The following SYDE2 variants were observed in gnomAD, a reference collection of about 807,000 sequenced individuals.
The protein encoded by SYDE2 is synapse defective Rho GTPase homolog 2, also known as rho GTPase-activating protein SYDE2.
A neutral mutation model predicts 91.5 loss-of-function variants in SYDE2; 76 were observed. The ratio of observed to expected loss-of-function variants is 0.83; its 90% CI spans 0.69 to 1.01. SYDE2 has a LOEUF of 1.01. Ranked by LOEUF, SYDE2 falls within the 50% of genes least tolerant of loss-of-function variation. The pLI, the probability that SYDE2 is intolerant of heterozygous loss-of-function variation, is 0.00. For missense variants in SYDE2, 1,364 were observed against 1,367.7 expected, an observed-to-expected ratio of 1.00 and a Z score of 0.04; for synonymous variants, 513 against 506.4, an observed-to-expected ratio of 1.01 and a Z score of -0.18.
rs939840776 is a variant in SYDE2, at chr1:85,156,903, G to A, written c.*1847C>T. On this transcript the variant is annotated 3_prime_UTR_variant, in exon 7 of 7. Transcript: ENST00000341460. ...TTTTAATAAAATTTTTACATTTCTAGAGCAATTTATTCAATTCATACATGA... is the reference window on the plus strand; with the variant it reads ...TTTTAATAAAATTTTTACATTTCTAAAGCAATTTATTCAATTCATACATGA... 1.3e-5 allele frequency: 2 copies of A among 151,890 alleles called. No homozygotes were observed. The highest frequency in any genetic ancestry group is 2.9e-5 in the Non-Finnish European group (2 of 67,946). 9.4% of individuals were successfully genotyped at this position (151,890 alleles called of 1,614,324 possible).
At chr1:85,154,651 T>C (rs191973270), downstream of SYDE2, among the ~76,000 whole-genome samples, 34 of 151,700 alleles carry the variant, frequency 2.2e-4, no homozygotes, top group East Asian at 6.8e-3. Flanking sequence ...GCTCAGGCCC[T>C]ACTCCTTTCA....
chr1:85,189,279 GACTT>G (rs1557755870), intron 2 of SYDE2, among the ~76,000 whole-genome samples: 1 of 152,036 alleles, frequency 6.6e-6, no homozygotes, highest in Non-Finnish European at 1.5e-5. Context: ...ATTTGCAAGG[GACTT>G]ACTTCTACTT....
intron 1 of SYDE2, among the ~76,000 whole-genome samples, chr1:85,193,522 T>C (rs917489154): frequency 6.6e-6 from 1 of 152,206 alleles, no homozygotes; most frequent in East Asian, 1.9e-4. Context: ...TTCTACTACA[T>C]TGCAAGGAAC....
intron 3 of SYDE2, among the ~76,000 whole-genome samples, chr1:85,180,859 AGTTT>A (rs1345883611): frequency 1.1e-4 from 16 of 152,188 alleles, no homozygotes; most frequent in Admixed American, 5.2e-4. Flanking sequence ...CAACTATAAA[AGTTT>A]GTTTAATAAT....
intron 1 of SYDE2, among the ~76,000 whole-genome samples, chr1:85,192,969 A>G (rs1281898828): frequency 1.3e-5 from 2 of 152,228 alleles, no homozygotes; most frequent in East Asian, 3.8e-4. Context: ...AATAATGTTC[A>G]AAATACTTGA....
chr1:85,182,341 G>T lies in SYDE2; in HGVS notation c.2301C>A (p.Pro767=). ...RVCCHGTVVL[P]TLFRVTKTHQ... is the part of the protein sequence containing the mutation. ...GAGTCTTTGTCACTCTAAATAAGGT[G>T]GGAAGAACAACAGTTCCATGACAAC... The change falls in exon 3 of 7, where the codon CCC becomes CCA. Residue 767 remains proline (P), a synonymous_variant. Transcript: ENST00000341460. The T allele has an allele frequency of 1.2e-6, 2 of 1,613,820 alleles. No individual in the cohort carries two copies. Among genetic ancestry groups the T allele is most frequent in the Non-Finnish European group, 1.7e-6 (2 of 1,179,820 alleles).
Position 85,190,497 on chromosome 1 carries a change from G to C in SYDE2, c.1001C>G (p.Ser334Cys). The change falls in exon 2 of 7, where the codon TCT becomes TGT. Residue 334 changes from serine (S) to cysteine (C), a missense_variant. Physicochemically the swap from Ser to Cys is moderately radical, Grantham distance 112. Transcript: ENST00000341460. The stretch of plus-strand genomic sequence containing the variant: ...TACCACATATGTACAGTACTCTTTA[G>C]ATGATTTGAGGAAAGACTGTGATAG... ...HQLSQSFLKS[S>C]KEYCTYVVCN... 1.2e-6 allele frequency: 2 copies of C among 1,613,976 alleles called. No individual in the cohort carries two copies. The highest frequency in any genetic ancestry group is 8.5e-7 in the Non-Finnish European group (1 of 1,179,876).
At chr1:85,183,857 A>G (rs1163620709) in intron 2 of SYDE2, among the ~76,000 whole-genome samples, 1 of 152,192 alleles carries the variant, frequency 6.6e-6, no homozygotes, top group Non-Finnish European at 1.5e-5. Flanking sequence ...ATTGCTTTAG[A>G]TTAAATACAT....
rs1393278366 is a variant in SYDE2 at position 85,164,630 on chromosome 1, G to T, written c.2981C>A (p.Ser994Tyr). The T allele has an allele frequency of 2.5e-6, 4 of 1,603,222 alleles. No individual in the cohort carries two copies. In the South Asian group the frequency reaches 4.5e-5, roughly 18 times the overall value. The change falls in exon 6 of 7, where the codon TCC (serine) becomes TAC (tyrosine). Residue 994 changes from serine to tyrosine, a missense_variant. Ser to Tyr is a moderately radical substitution (Grantham distance 144). Transcript: ENST00000341460. ...PVLLSQRQEP[S>Y]THNNRVFTDS... is the part of the protein sequence containing the mutation. ...AGTAAAGACTCTGTTGTTATGGGTGGAAGGCTCTTGCCTCTGACTTAATAA... is the reference window on the plus strand; with the variant it reads ...AGTAAAGACTCTGTTGTTATGGGTGTAAGGCTCTTGCCTCTGACTTAATAA...
At chr1:85,154,501 A>G (rs1050698909), downstream of SYDE2, among the ~76,000 whole-genome samples, 1 of 145,580 alleles carries the variant, frequency 6.9e-6, no homozygotes, top group African/African-American at 2.6e-5. Flanking sequence ...GTACAGAGGC[A>G]TTAGTACTAA....
Position 85,182,235 on chromosome 1 carries a change from GAAGAGAATTCTCCCACTGTTCCATAAGA to G in SYDE2, c.2379_2406del (p.Leu794MetfsTer3). Reference sequence around the variant, plus strand: ...GGTTCTTGGTTTATATCTAGTCCATGAAGAGAATTCTCCCACTGTTCCATAAGAGTCACTTTCACATAAATAAGACCTC... The same window carrying G: ...GGTTCTTGGTTTATATCTAGTCCATGGTCACTTTCACATAAATAAGACCTC... On this transcript the variant is annotated frameshift_variant, in exon 3 of 7. Coordinates refer to ENST00000341460, the MANE Select transcript of SYDE2 (RefSeq NM_032184.2). LOFTEE classifies it high-confidence loss of function. 6.2e-7 allele frequency: 1 copy of G among 1,609,940 alleles called. No homozygotes were observed.
At position 85,182,516 on chromosome 1, in the gene SYDE2, T is replaced by C; in HGVS notation, c.2126A>G (p.Asp709Gly). The stretch of plus-strand genomic sequence containing the variant: ...AGCTGTTCTTGCTTTGTTTACTGAA[T>C]CTACCTGAATTGCACAAAAGACGTC... ...SKDVFCAIQV[D>G]SVNKARTALL... The change falls in exon 3 of 7, where the codon GAT becomes GGT. Residue 709 changes from aspartate to glycine, a missense_variant. Asp to Gly is a moderately conservative substitution (Grantham distance 94). Transcript: ENST00000341460. The C allele has an allele frequency of 1.2e-6, 2 of 1,613,910 alleles. No homozygotes were observed. Among genetic ancestry groups the C allele is most frequent in the Non-Finnish European group, 1.7e-6 (2 of 1,179,864 alleles).
At chr1:85,163,796 C>A (rs1657163804) in intron 6 of SYDE2, among the ~76,000 whole-genome samples, 1 of 151,942 alleles carries the variant, frequency 6.6e-6, no homozygotes, top group South Asian at 2.1e-4. Flanking sequence ...TTACTAAAAT[C>A]TAAGAAAATT....
At chr1:85,177,118 G>T (rs1657730763) in intron 4 of SYDE2, among the ~76,000 whole-genome samples, 1 of 151,736 alleles carries the variant, frequency 6.6e-6, no homozygotes, top group African/African-American at 2.4e-5. Flanking sequence ...ATCTCTTTAG[G>T]TGTTTCTTCT....
intron 5 of SYDE2, among the ~76,000 whole-genome samples, chr1:85,167,989 C>T (rs1017850376): frequency 5.9e-5 from 9 of 152,166 alleles, no homozygotes; most frequent in Middle Eastern, 3.4e-3. Context: ...TGGCGCCCAC[C>T]TGTAGTCTCA....
rs1368270339 is a variant in SYDE2, at chr1:85,200,607, A to G, written c.390T>C (p.Ser130=). 1.3e-6 allele frequency: 2 copies of G among 1,558,298 alleles called. No homozygotes were observed. The highest frequency in any genetic ancestry group is 1.7e-6 in the Non-Finnish European group (2 of 1,156,992). ...PPRGGRMDGW[S]GDRARAAAPT... is the part of the protein sequence containing the mutation. The stretch of plus-strand genomic sequence containing the variant: ...GTGCAGCCGCCCGGGCGCGGTCCCC[A>G]CTCCAGCCGTCCATCCTGCCTCCAC... Residue 130 remains serine (S), a synonymous_variant, in exon 1 of 7, where the codon AGT becomes AGC. Transcript: ENST00000341460.
chr1:85,196,177 C>CT (rs1425282263), intron 1 of SYDE2, among the ~76,000 whole-genome samples: 2 of 152,136 alleles, frequency 1.3e-5, no homozygotes, highest in East Asian at 3.9e-4. Flanking sequence ...AGCCCAAGTG[C>CT]TTTGCTCTAA....
chr1:85,196,380 A>G (rs1658587521), intron 1 of SYDE2, among the ~76,000 whole-genome samples: 1 of 152,212 alleles, frequency 6.6e-6, no homozygotes. Flanking sequence ...CAGGGAATTC[A>G]TATGGACATT....
chr1:85,166,055 T>C (rs1265794273), intron 5 of SYDE2, among the ~76,000 whole-genome samples: 1 of 151,894 alleles, frequency 6.6e-6, no homozygotes, highest in East Asian at 1.9e-4. Flanking sequence ...AAAAATTTTT[T>C]TGTAGGCCAG....
Sources: gnomAD v4.1 joint callset for allele counts (sites outside exome capture counted in the v4.1 genomes callset) on GRCh38, gnomAD v4.1.1 for gene constraint, MANE v1.5 for transcripts, NCBI Gene and HGNC (gene_info 2026-07-23, HGNC 2026-07-21) for gene names.